The following BRD8 variants were observed in gnomAD, a reference collection of about 807,000 sequenced individuals.
BRD8 encodes the protein bromodomain-containing protein 8.
Under a neutral mutation model 143.1 loss-of-function variants are expected in BRD8, and 67 were observed. The observed-to-expected ratio is 0.47, with a 90% CI of 0.38 to 0.57. The LOEUF (loss-of-function observed/expected upper bound fraction) is 0.57. BRD8 is among the 20% of genes least tolerant of loss of function. The pLI is 0.00. For synonymous variants in BRD8, 505 were observed against 517.1 expected, an observed-to-expected ratio of 0.98 and a Z score of 0.32; for missense variants, 1,103 against 1,503.0, an observed-to-expected ratio of 0.73 and a Z score of 4.40.
chr5:138,146,285 T>A (rs1297512793), intron 23 of BRD8, among the ~76,000 whole-genome samples: 1 of 151,970 alleles, frequency 6.6e-6, no homozygotes, highest in Non-Finnish European at 1.5e-5. Context: ...CTCAAACTCC[T>A]GGCCTTAAGT....
At chr5:138,145,761 T>G (rs1454287345) in intron 24 of BRD8, 28 bp downstream of exon 24, 1 of 1,582,848 alleles carries the variant, frequency 6.3e-7, no homozygotes, top group Non-Finnish European at 8.7e-7. Context: ...GCTCTGAACA[T>G]AATCCTATTA....
chr5:138,178,491 T>G (rs1224174047), intron 1 of BRD8, 105 bp downstream of exon 1: 4 of 1,083,826 alleles, frequency 3.7e-6, no homozygotes, highest in South Asian at 1.2e-5. Flanking sequence ...AACCCTGGGC[T>G]CTCAAGCAAC....
In BRD8 at chr5:138,141,519, G is replaced by A. The variant is rs143128216; in HGVS notation, c.3438-637C>T. Among the ~76,000 whole-genome samples, 566 of 152,290 alleles carry A rather than the reference G, an allele frequency of 3.7e-3. 3 individuals carry two copies. Among genetic ancestry groups the A allele is most frequent in the African/African-American group, 0.013 (536 of 41,560 alleles). ...CACACAGCCTGAATTCCAATTCAGA[G>A]GCAGCCTGACTCCAGAGCCCACAGG... On this transcript the variant is annotated intron_variant, in intron 25 of 26. Transcript: ENST00000254900.
chr5:138,166,890 C>T (rs1181873727), intron 9 of BRD8, 163 bp from the exon 10 acceptor site: 2 of 579,068 alleles, frequency 3.5e-6, no homozygotes, highest in Non-Finnish European at 6.2e-6. Flanking sequence ...TCTAACCTTA[C>T]TTAAGATCTT....
At chr5:138,175,698 A>T (rs1216473544) in intron 2 of BRD8, among the ~76,000 whole-genome samples, 2 of 17,926 alleles carry the variant, frequency 1.1e-4, no homozygotes, top group South Asian at 1.1e-3. Context: ...TATTTAAATT[A>T]AAAAAAAAAA....
At chr5:138,153,955 C>T (rs907502421) in intron 20 of BRD8, among the ~76,000 whole-genome samples, 1 of 151,812 alleles carries the variant, frequency 6.6e-6, no homozygotes, top group Non-Finnish European at 1.5e-5. Context: ...GGATTACAGG[C>T]GTGAGCCACC....
At position 138,164,428 on chromosome 5, in the gene BRD8, A is replaced by G; in HGVS notation, c.1732-15T>C. On this transcript the variant is annotated splice_polypyrimidine_tract_variant and intron_variant, in intron 12 of 26. Coordinates refer to ENST00000254900, the MANE Select transcript of BRD8 (RefSeq NM_139199.2). ...TCAGGGGATGCCTGAAAACCAGAAA[A>G]GAAAAAACACCCTAAGTACTGATAA... The G allele has an allele frequency of 1.2e-6, 2 of 1,607,942 alleles. No individual in the cohort carries two copies. Among genetic ancestry groups the G allele is most frequent in the Middle Eastern group, 1.7e-4 (1 of 6,048 alleles).
At chr5:138,167,232 C>T (rs924139041) in intron 9 of BRD8, among the ~76,000 whole-genome samples, 1 of 151,544 alleles carries the variant, frequency 6.6e-6, no homozygotes, top group Non-Finnish European at 1.5e-5. Context: ...TGTGCCACCA[C>T]ACTCCAGCTT....
At chr5:138,146,029 A>T in intron 23 of BRD8, 151 bp from the exon 24 acceptor site, 2 of 572,354 alleles carry the variant, frequency 3.5e-6, no homozygotes, top group East Asian at 5.8e-5. Flanking sequence ...AGACTTAGTT[A>T]TTAATATCTA....
In BRD8 at chr5:138,160,176, G is replaced by A; in HGVS notation, c.2428-3C>T. ...ATCAACTGCGTGGCCAAGAATTGCT[G>A]TAGGGAGAAGAAACAGGGTAGGCCA... On this transcript the variant is annotated splice_polypyrimidine_tract_variant and splice_region_variant and intron_variant, in intron 18 of 26. Coordinates refer to ENST00000254900, the MANE Select transcript of BRD8 (RefSeq NM_139199.2). 6.2e-7 allele frequency: 1 copy of A among 1,611,816 alleles called. No individual in the cohort carries two copies. Among genetic ancestry groups the A allele is most frequent in the Non-Finnish European group, 8.5e-7 (1 of 1,177,888 alleles).
intron 20 of BRD8, among the ~76,000 whole-genome samples, chr5:138,155,163 T>A (rs1172650163): frequency 6.6e-6 from 1 of 151,656 alleles, no homozygotes; most frequent in Non-Finnish European, 1.5e-5. Context: ...TTTAAAAATG[T>A]TGGCAGGGCG....
In BRD8 at chr5:138,151,435, T is replaced by C. The variant is rs529054836; in HGVS notation, c.2857-427A>G. ...ATAACAGCATACATATAACTCTCTG[T>C]CCAATTCTGTTTATTTCTGGTCCTC... On this transcript the variant is annotated intron_variant, in intron 21 of 26. Coordinates refer to ENST00000254900, the MANE Select transcript of BRD8 (RefSeq NM_139199.2). Among the ~76,000 whole-genome samples the C allele has an allele frequency of 3.9e-5, 6 of 152,338 alleles. No individual in the cohort carries two copies. In the South Asian group the frequency reaches 8.3e-4, roughly 21 times the overall value.
Position 138,172,072 on chromosome 5 carries a change from G to C in BRD8, c.179C>G (p.Ser60Cys), listed in dbSNP as rs144135747. The C allele has an allele frequency of 1.9e-6, 3 of 1,613,428 alleles. No individual in the cohort carries two copies. Among genetic ancestry groups the C allele is most frequent in the African/African-American group, 2.7e-5 (2 of 74,796 alleles). Residue 60 changes from serine (S) to cysteine (C), a missense_variant, in exon 3 of 27, where the codon TCT (serine) becomes TGT (cysteine). By Grantham distance (112) the Ser-to-Cys change is moderately radical. Transcript: ENST00000254900. ...CCTTGCTTGGGAACTTACTTTTTGA[G>C]AGAACCAGTCTGGAGGGCGGCCAGG... ...AEPGRPPDWF[S>C]QKHCASQYSE...
At chr5:138,176,033 C>T (rs1046395183) in intron 2 of BRD8, among the ~76,000 whole-genome samples, 4 of 151,314 alleles carry the variant, frequency 2.6e-5, no homozygotes, top group Non-Finnish European at 4.4e-5. Flanking sequence ...ACCTTGTACA[C>T]GAATGTGCAC....
At chr5:138,147,299 A>AAT (rs4033080) in intron 23 of BRD8, among the ~76,000 whole-genome samples, 38,236 of 145,982 alleles carry the variant, frequency 0.26, 5,601 homozygotes, top group South Asian at 0.4. Flanking sequence ...CTCTTCAAAA[A>AAT]ATATATATAT....
At chr5:138,161,129 A>G (rs1400537848) in intron 17 of BRD8, 61 bp from the exon 18 acceptor site, 1 of 1,336,664 alleles carries the variant, frequency 7.5e-7, no homozygotes, top group Non-Finnish European at 1.0e-6. Flanking sequence ...ACCTAGATCT[A>G]TGAATACATT....
intron 8 of BRD8, chr5:138,168,573 G>A: frequency 6.2e-7 from 1 of 1,608,956 alleles, no homozygotes; most frequent in Non-Finnish European, 8.5e-7. Flanking sequence ...TTTCTGGGGT[G>A]AATCATCTGT....
rs147364810 is a variant in BRD8 at position 138,172,665 on chromosome 5, CAAAAAAAAAAAAAA to C, written c.117-545_117-532del. ...GCCACCCGAGGAGATCCCATCCCTA[CAAAAAAAAAAAAAA>C]AAAAAAAAAAAAAAAATCGACAAGG... On this transcript the variant is annotated intron_variant, in intron 2 of 26. Transcript: ENST00000254900. 850 of 216,762 alleles carry C rather than the reference CAAAAAAAAAAAAAA, an allele frequency of 3.9e-3. 16 individuals carry two copies. The African/African-American group carries it at 0.058, about 15-fold the overall frequency. 13.4% of individuals were successfully genotyped at this position (216,762 alleles called of 1,614,324 possible).
In BRD8 at chr5:138,166,271, G is replaced by T. The variant is rs1045912753; in HGVS notation, c.998-163C>A. The T allele has an allele frequency of 1.1e-5, 7 of 639,706 alleles. No homozygotes were observed. In the African/African-American group the frequency reaches 1.3e-4, roughly 12 times the overall value. 39.6% of individuals were successfully genotyped at this position (639,706 alleles called of 1,614,324 possible). The stretch of plus-strand genomic sequence containing the variant: ...GTTTTCTTCTCCCCAGTTTTATCTA[G>T]AAAGGTGAGAACATATTTTCAAGCC... On this transcript the variant is annotated intron_variant, in intron 10 of 26. Transcript: ENST00000254900.
Sources: gnomAD v4.1 joint callset for allele counts (sites outside exome capture counted in the v4.1 genomes callset) on GRCh38, gnomAD v4.1.1 for gene constraint, MANE v1.5 for transcripts, NCBI Gene and HGNC (gene_info 2026-07-23, HGNC 2026-07-21) for gene names.